ZKSCAN5: variants seen among roughly 807,000 people sequenced by gnomAD.
ZKSCAN5 encodes zinc finger protein with KRAB and SCAN domains 5.
Under a neutral mutation model 60.0 loss-of-function variants are expected in ZKSCAN5, and 28 were observed. The ratio of observed to expected loss-of-function variants is 0.47; its 90% CI spans 0.35 to 0.64. The LOEUF is 0.64. Ranked by LOEUF, ZKSCAN5 falls within the 30% of genes least tolerant of loss-of-function variation. The probability of loss-of-function intolerance (pLI) is 0.01; values close to 1 mark genes in which losing one functional copy is unlikely to be tolerated. For synonymous variants in ZKSCAN5, 361 were observed against 371.2 expected, an observed-to-expected ratio of 0.97 and a Z score of 0.31; for missense variants, 881 against 1,034.6, an observed-to-expected ratio of 0.85 and a Z score of 2.04.
intron 5 of ZKSCAN5, among the ~76,000 whole-genome samples, chr7:99,520,975 G>A (rs530063530): frequency 2.0e-5 from 3 of 152,098 alleles, no homozygotes; most frequent in East Asian, 1.9e-4. Context: ...CTGTCATATC[G>A]CTTCTTGAAT....
chr7:99,512,358 G>A, intron 2 of ZKSCAN5, 95 bp from the exon 3 acceptor site: 4 of 1,466,564 alleles, frequency 2.7e-6, no homozygotes, highest in Non-Finnish European at 3.7e-6. Context: ...TTAAATATTT[G>A]GCAAAGGAAT....
Position 99,532,035 on chromosome 7 carries a change from G to T in ZKSCAN5, c.2306G>T (p.Ser769Ile). ...HTKQHQKIYSSTKSHQCHECG... is the reference protein window; with the variant it reads ...HTKQHQKIYSITKSHQCHECG... ...AAACAACATCAAAAAATCTACTCCA[G>T]CACAAAATCCCATCAATGTCATGAA... The change falls in exon 7 of 7, where the codon AGC becomes ATC. Residue 769 changes from serine (S) to isoleucine (I), a missense_variant. Coordinates refer to ENST00000326775, the MANE Select transcript of ZKSCAN5 (RefSeq NM_145102.4). 1 of 1,614,180 alleles carries T rather than the reference G, an allele frequency of 6.2e-7. No individual in the cohort carries two copies. The highest frequency in any genetic ancestry group is 8.5e-7 in the Non-Finnish European group (1 of 1,180,048).
At chr7:99,528,119 C>CTTTTT (rs869150553) in intron 6 of ZKSCAN5, among the ~76,000 whole-genome samples, 15 of 121,248 alleles carry the variant, frequency 1.2e-4, no homozygotes, top group Non-Finnish European at 2.5e-4. Context: ...AAATGTTTTT[C>CTTTTT]TTTTTTTTTT....
At chr7:99,513,341 A>T (rs1358902755) in intron 3 of ZKSCAN5, among the ~76,000 whole-genome samples, 1 of 152,184 alleles carries the variant, frequency 6.6e-6, no homozygotes, top group Non-Finnish European at 1.5e-5. Flanking sequence ...CTGTTAAAAG[A>T]TCTACACGTC....
At chr7:99,520,556 A>T (rs894719358) in intron 5 of ZKSCAN5, among the ~76,000 whole-genome samples, 1 of 152,098 alleles carries the variant, frequency 6.6e-6, no homozygotes, top group African/African-American at 2.4e-5. Flanking sequence ...AATCCAGCAG[A>T]TGCTAACTTT....
intron 6 of ZKSCAN5, among the ~76,000 whole-genome samples, chr7:99,528,598 T>C (rs1801909901): frequency 6.6e-6 from 1 of 152,162 alleles, no homozygotes; most frequent in Non-Finnish European, 1.5e-5. Context: ...AGCTAATTTA[T>C]GTATTTTTTG....
At chr7:99,515,173 G>A (rs1206513626) in intron 3 of ZKSCAN5, among the ~76,000 whole-genome samples, 1 of 152,114 alleles carries the variant, frequency 6.6e-6, no homozygotes, top group Non-Finnish European at 1.5e-5. Flanking sequence ...GGGAGGCTGA[G>A]GTGGGTGGAT....
intron 1 of ZKSCAN5, chr7:99,505,506 G>C (rs1800679040): frequency 6.4e-6 from 1 of 156,538 alleles, no homozygotes; most frequent in Non-Finnish European, 1.4e-5. Flanking sequence ...GTCCAGATCT[G>C]TACCTTATAA....
intron 5 of ZKSCAN5, among the ~76,000 whole-genome samples, chr7:99,524,383 TG>T (rs1210450707): frequency 6.6e-6 from 1 of 152,118 alleles, no homozygotes; most frequent in African/African-American, 2.4e-5. Context: ...TGATAATTTT[TG>T]TATTTTTTGT....
At chr7:99,525,443 G>T (rs1356682448) in intron 5 of ZKSCAN5, among the ~76,000 whole-genome samples, 1 of 152,124 alleles carries the variant, frequency 6.6e-6, no homozygotes, top group African/African-American at 2.4e-5. Context: ...CTGCACTCCA[G>T]CCTGGGTGAC....
chr7:99,506,207 CACT>C lies in ZKSCAN5; in HGVS notation c.164_166del (p.His55_Phe56delinsLeu), dbSNP rs1235254490. 1.2e-6 allele frequency: 2 copies of C among 1,614,216 alleles called. No individual in the cohort carries two copies. The highest frequency in any genetic ancestry group is 3.3e-5 in the Admixed American group (2 of 60,026). ...TGAGACTTTTTACCAGCGCTTCAGGCACTTCCAGTACCATGAGGCTTCAGGACC... is the reference window on the plus strand; with the variant it reads ...TGAGACTTTTTACCAGCGCTTCAGGCTCCAGTACCATGAGGCTTCAGGACC... On this transcript the variant is annotated inframe_deletion, in exon 2 of 7. Transcript: ENST00000326775.
rs1801979525 is a variant in ZKSCAN5, at chr7:99,530,128, G to A, written c.1379-980G>A. On this transcript the variant is annotated intron_variant, in intron 6 of 6. Coordinates refer to ENST00000326775, the MANE Select transcript of ZKSCAN5 (RefSeq NM_145102.4). ...GGCTCACTGCAACCTCAGCCTCCTG[G>A]GTTCAAGCGATTCTCCTGCCTCAGC... Among the ~76,000 whole-genome samples the A allele has an allele frequency of 2.0e-5, 3 of 149,970 alleles. No homozygotes were observed. In the South Asian group the frequency reaches 6.3e-4, roughly 32 times the overall value.
chr7:99,507,409 G>A (rs1216705236), intron 2 of ZKSCAN5, among the ~76,000 whole-genome samples: 1 of 151,496 alleles, frequency 6.6e-6, no homozygotes, highest in African/African-American at 2.4e-5. Context: ...CTGTATATAT[G>A]TGTGTATGTA....
At chr7:99,522,840 A>T (rs1178182335) in intron 5 of ZKSCAN5, among the ~76,000 whole-genome samples, 1 of 151,030 alleles carries the variant, frequency 6.6e-6, no homozygotes, top group Non-Finnish European at 1.5e-5. Flanking sequence ...CTTCTGGAGA[A>T]GAACTAGTAG....
intron 6 of ZKSCAN5, among the ~76,000 whole-genome samples, chr7:99,530,505 T>TG (rs1295260243): frequency 6.6e-6 from 1 of 152,146 alleles, no homozygotes; most frequent in Non-Finnish European, 1.5e-5. Flanking sequence ...TACTTTTTGA[T>TG]GGGATTTTTT....
rs537999457 is a variant in ZKSCAN5 at position 99,532,664 on chromosome 7, A to G, written c.*415A>G. 6.1e-6 allele frequency: 1 copy of G among 162,912 alleles called. No individual in the cohort carries two copies. The highest frequency in any genetic ancestry group is 1.8e-4 in the East Asian group (1 of 5,520). The allele number at this position is 162,912 out of a possible 1,614,324, so 10.1% of individuals were successfully genotyped here. Reference sequence around the variant, plus strand: ...TATCTATTCAGGGAAGCGCACAGTAAAAGAATTCCTTAGCATGATGTCTGT... The same window carrying G: ...TATCTATTCAGGGAAGCGCACAGTAGAAGAATTCCTTAGCATGATGTCTGT... On this transcript the variant is annotated 3_prime_UTR_variant, in exon 7 of 7. Coordinates refer to ENST00000326775, the MANE Select transcript of ZKSCAN5 (RefSeq NM_145102.4).
chr7:99,521,220 T>C (rs1191560579), intron 5 of ZKSCAN5, among the ~76,000 whole-genome samples: 1 of 152,190 alleles, frequency 6.6e-6, no homozygotes, highest in Non-Finnish European at 1.5e-5. Flanking sequence ...TTTTTTGAGA[T>C]GGAGTCTCAC....
chr7:99,531,490 CCAACGCGTGCACCTAACTCAGCAT>C lies in ZKSCAN5; in HGVS notation c.1764_1787del (p.Leu592_His599del). 6.2e-7 allele frequency: 1 copy of C among 1,614,182 alleles called. No homozygotes were observed. The highest frequency in any genetic ancestry group is 2.2e-5 in the East Asian group (1 of 44,890). On this transcript the variant is annotated inframe_deletion, in exon 7 of 7. Transcript: ENST00000326775. ...GTGAGGAATGTGGGAAAAGCTACAA[CCAACGCGTGCACCTAACTCAGCAT>C]CAGCGCGTCCACACAGGTGAGAAGC...
rs955869276 is a variant in ZKSCAN5, at chr7:99,517,334, G to T, written c.554-2493G>T. On this transcript the variant is annotated intron_variant, in intron 3 of 6. Coordinates refer to ENST00000326775, the MANE Select transcript of ZKSCAN5 (RefSeq NM_145102.4). ...CCTCATCAGCCTCCCAAAGTGCTGG[G>T]ATTACAGGCGTGAGCCACTGTGCCT... is the stretch of plus-strand genomic sequence containing the variant. Among the ~76,000 whole-genome samples, 9 of 151,840 alleles carry T rather than the reference G, an allele frequency of 5.9e-5. No homozygotes were observed. The East Asian group carries it at 8.0e-4, about 14-fold the overall frequency.
Sources: gnomAD v4.1 joint callset for allele counts (sites outside exome capture counted in the v4.1 genomes callset) on GRCh38, gnomAD v4.1.1 for gene constraint, MANE v1.5 for transcripts, NCBI Gene and HGNC (gene_info 2026-07-23, HGNC 2026-07-21) for gene names.